Variants in ARL17B observed in about 807,000 individuals in gnomAD.
ARL17B encodes the protein ADP-ribosylation factor-like protein 17.
At chr17:46,311,092 A>C (rs1381512084) in intron 3 of ARL17B, 1 of 240,282 alleles carries the variant, frequency 4.2e-6, no homozygotes. Flanking sequence ...AGATCACACC[A>C]CTGCACTGCA....
At position 46,340,093 on chromosome 17, in the gene ARL17B, T is replaced by C. The variant is rs1009722090; in HGVS notation, c.260-319A>G. ...AGAGTTTTTTCTGGAATGTTTTCACTGGAATGAAAGCTGAGCGGTCTGCAG... is the reference window on the plus strand; with the variant it reads ...AGAGTTTTTTCTGGAATGTTTTCACCGGAATGAAAGCTGAGCGGTCTGCAG... On this transcript the variant is annotated intron_variant, in intron 3 of 3. Coordinates refer to ENST00000450673, the MANE Select transcript of ARL17B (RefSeq NM_001039083.5). Among the ~76,000 whole-genome samples, 2 of 97,742 alleles carry C rather than the reference T, an allele frequency of 2.0e-5. 1 individual carries two copies. Among genetic ancestry groups the C allele is most frequent in the African/African-American group, 6.9e-5 (2 of 28,812 alleles). The allele number at this position is 97,742 out of a possible 152,430, so 64.1% of individuals were successfully genotyped here. A position where few individuals can be genotyped will look rare whatever the true frequency, so the allele number is the denominator to read the frequency against.
downstream of ARL17B, chr17:46,331,237 A>C (rs1796242664): frequency 1.4e-6 from 1 of 727,012 alleles, no homozygotes; most frequent in Admixed American, 2.8e-5. Flanking sequence ...GAACAACCAA[A>C]GTCAAAAAGA....
At chr17:46,288,706 C>CTTTTTCTTTTT (rs2049986373) in intron 4 of ARL17B, among the ~76,000 whole-genome samples, 1 of 139,060 alleles carries the variant, frequency 7.2e-6, no homozygotes, top group Non-Finnish European at 1.6e-5. Context: ...CTTGTTTTTT[C>CTTTTTCTTTTT]TTTTTTTTTT....
chr17:46,289,802 C>T (rs1216161601), intron 4 of ARL17B, among the ~76,000 whole-genome samples: 1 of 152,156 alleles, frequency 6.6e-6, no homozygotes, highest in African/African-American at 2.4e-5. Flanking sequence ...TAATGAAGGG[C>T]CGAATTAATT....
intron 4 of ARL17B, among the ~76,000 whole-genome samples, chr17:46,282,581 A>ATT (rs66586772): frequency 2.0e-4 from 27 of 136,240 alleles, no homozygotes; most frequent in Non-Finnish European, 3.0e-4. Flanking sequence ...AGCCTGGTTA[A>ATT]TTTTTTTTTT....
chr17:46,281,104 CTGTTT>C (rs1167923888), intron 4 of ARL17B, among the ~76,000 whole-genome samples: 2 of 151,954 alleles, frequency 1.3e-5, no homozygotes, highest in Non-Finnish European at 2.9e-5. Flanking sequence ...TATAGATTGT[CTGTTT>C]TATCTAAAAG....
intron 3 of ARL17B, among the ~76,000 whole-genome samples, chr17:46,352,015 C>T (rs1476941120): frequency 6.6e-6 from 1 of 151,980 alleles, no homozygotes; most frequent in Non-Finnish European, 1.5e-5. Flanking sequence ...GCGGGTGGAT[C>T]ACCTGAGGTC....
intron 4 of ARL17B, among the ~76,000 whole-genome samples, chr17:46,279,898 G>C (rs2049713153): frequency 6.6e-6 from 1 of 152,052 alleles, no homozygotes. Flanking sequence ...ATGTTTTTCT[G>C]TCTTAAACAA....
chr17:46,277,657 T>C (rs112069398), intron 4 of ARL17B, among the ~76,000 whole-genome samples: 3 of 138,922 alleles, frequency 2.2e-5, no homozygotes, highest in Non-Finnish European at 3.1e-5. Flanking sequence ...TTCTTTCTTT[T>C]TTTTTTTTTG....
At chr17:46,283,301 CAT>C (rs1598071993) in intron 4 of ARL17B, among the ~76,000 whole-genome samples, 2 of 152,218 alleles carry the variant, frequency 1.3e-5, no homozygotes, top group Admixed American at 1.3e-4. Flanking sequence ...AAATTCAACT[CAT>C]GTGTACCCAC....
intron 4 of ARL17B, among the ~76,000 whole-genome samples, chr17:46,288,081 C>T: frequency 6.6e-6 from 1 of 152,154 alleles, no homozygotes; most frequent in Non-Finnish European, 1.5e-5. Context: ...AAGTCGTCCT[C>T]AAGCTTCAAA....
intron 4 of ARL17B, among the ~76,000 whole-genome samples, chr17:46,278,401 G>GTTTTTTTTTTT (rs1464305633): frequency 3.9e-5 from 5 of 129,628 alleles, no homozygotes; most frequent in East Asian, 4.2e-4. Flanking sequence ...GTTTTATTTT[G>GTTTTTTTTTTT]TTTTTTTTTT....
intron 4 of ARL17B, among the ~76,000 whole-genome samples, chr17:46,285,311 G>A (rs1465595854): frequency 6.6e-6 from 1 of 150,906 alleles, no homozygotes; most frequent in African/African-American, 2.4e-5. Flanking sequence ...CTCGATCTTG[G>A]CTCACTGCAA....
intron 4 of ARL17B, among the ~76,000 whole-genome samples, chr17:46,291,969 C>CAAAAAAAAAAAAAAAAAAAAAAAA (rs59554870): frequency 5.2e-5 from 3 of 58,086 alleles, no homozygotes; most frequent in South Asian, 8.1e-4. Flanking sequence ...TCTCAAAAAG[C>CAAAAAAAAAAAAAAAAAAAAAAAA]AAAAAAAAAA....
chr17:46,286,798 G>GTGA (rs2049931617), intron 4 of ARL17B, among the ~76,000 whole-genome samples: 1 of 152,254 alleles, frequency 6.6e-6, no homozygotes, highest in South Asian at 2.1e-4. Flanking sequence ...AGAACTCACT[G>GTGA]TGACTGCAGG....
At chr17:46,282,241 T>C (rs2049783633) in intron 4 of ARL17B, among the ~76,000 whole-genome samples, 1 of 152,156 alleles carries the variant, frequency 6.6e-6, no homozygotes, top group African/African-American at 2.4e-5. Context: ...TAGCTGGGAC[T>C]ACAGGCGTCT....
intron 4 of ARL17B, among the ~76,000 whole-genome samples, chr17:46,282,276 G>C (rs1461073206): frequency 1.3e-5 from 2 of 150,564 alleles, no homozygotes; most frequent in Admixed American, 1.3e-4. Context: ...CTAATTTTTT[G>C]TTATTTTTAG....
chr17:46,286,663 T>G (rs1162248148), intron 4 of ARL17B, among the ~76,000 whole-genome samples: 2 of 151,932 alleles, frequency 1.3e-5, no homozygotes, highest in African/African-American at 4.8e-5. Flanking sequence ...GAAAAAAAAA[T>G]GAAAAGGAAT....
At chr17:46,290,166 A>G (rs2050027225) in intron 4 of ARL17B, among the ~76,000 whole-genome samples, 1 of 152,242 alleles carries the variant, frequency 6.6e-6, no homozygotes, top group Non-Finnish European at 1.5e-5. Flanking sequence ...GCCTCACTTG[A>G]TCGCCCCGGC....
Sources: allele counts gnomAD v4.1 joint callset (sites outside exome capture counted in the v4.1 genomes callset), GRCh38; gene constraint gnomAD v4.1.1; transcripts MANE v1.5; gene names NCBI Gene and HGNC (gene_info 2026-07-23, HGNC 2026-07-21).